The following PDE4D variants were observed in gnomAD, a reference collection of about 807,000 sequenced individuals.
PDE4D encodes the protein phosphodiesterase 4D.
PDE4D carries 24 observed loss-of-function variants against 87.4 expected under a neutral mutation model. The observed-to-expected ratio is 0.27, with a 90% CI of 0.20 to 0.39. PDE4D has a LOEUF of 0.39. PDE4D is among the 10% of genes least tolerant of loss of function. The pLI, the probability that PDE4D is intolerant of heterozygous loss-of-function variation, is 1.00. For missense variants in PDE4D, 714 were observed against 1,041.0 expected, an observed-to-expected ratio of 0.69 and a Z score of 4.32; for synonymous variants, 384 against 383.2, an observed-to-expected ratio of 1.00 and a Z score of -0.02.
intron 2 of PDE4D, among the ~76,000 whole-genome samples, chr5:59,205,239 C>A (rs932707759): frequency 6.6e-6 from 1 of 151,932 alleles, no homozygotes; most frequent in Admixed American, 6.6e-5. Context: ...TTGGAAAATT[C>A]TTTTATTCTG....
At chr5:60,347,739 C>T (rs1344587379) in intron 1 of PDE4D, among the ~76,000 whole-genome samples, 2 of 152,152 alleles carry the variant, frequency 1.3e-5, no homozygotes. Flanking sequence ...TTCAGCCCAC[C>T]TCTCATACCC....
At chr5:60,074,384 A>C (rs1490063477) in intron 2 of PDE4D, among the ~76,000 whole-genome samples, 3 of 151,774 alleles carry the variant, frequency 2.0e-5, no homozygotes, top group Admixed American at 2.0e-4. Flanking sequence ...ACTGTGGTTC[A>C]ATATGACTTT....
At chr5:60,072,528 T>G (rs966942806) in intron 2 of PDE4D, among the ~76,000 whole-genome samples, 1 of 152,076 alleles carries the variant, frequency 6.6e-6, no homozygotes, top group Non-Finnish European at 1.5e-5. Flanking sequence ...CATTTATCAT[T>G]TTTTTGCTTT....
chr5:60,085,301 G>A (rs1295518352), intron 2 of PDE4D, among the ~76,000 whole-genome samples: 1 of 152,040 alleles, frequency 6.6e-6, no homozygotes, highest in Non-Finnish European at 1.5e-5. Flanking sequence ...ATAGCCTTAG[G>A]GTGTTTAGCC....
At chr5:59,497,975 T>A (rs893324924) in intron 1 of PDE4D, among the ~76,000 whole-genome samples, 1 of 152,038 alleles carries the variant, frequency 6.6e-6, no homozygotes, top group Non-Finnish European at 1.5e-5. Flanking sequence ...ACAGCAGGCT[T>A]CTCAGCAGAA....
At chr5:59,676,315 G>C (rs1200700890) in intron 1 of PDE4D, among the ~76,000 whole-genome samples, 1 of 152,042 alleles carries the variant, frequency 6.6e-6, no homozygotes, top group Non-Finnish European at 1.5e-5. Context: ...CATTGACCTT[G>C]GTATGTCTAA....
intron 1 of PDE4D, among the ~76,000 whole-genome samples, chr5:59,279,075 A>G (rs1391551860): frequency 6.6e-6 from 1 of 152,168 alleles, no homozygotes; most frequent in Non-Finnish European, 1.5e-5. Context: ...TCTGCCTACT[A>G]TCAAATCTTC....
intron 1 of PDE4D, among the ~76,000 whole-genome samples, chr5:59,566,774 G>A (rs1156517951): frequency 6.6e-6 from 1 of 152,016 alleles, no homozygotes; most frequent in Non-Finnish European, 1.5e-5. Context: ...GTGGTACAAG[G>A]TTAAGGAAGC....
chr5:60,256,147 G>A (rs1353625400), intron 1 of PDE4D, among the ~76,000 whole-genome samples: 1 of 151,856 alleles, frequency 6.6e-6, no homozygotes, highest in African/African-American at 2.4e-5. Context: ...ATCAGATTTT[G>A]CTGTTGCTCC....
At chr5:59,916,954 ATTTTT>A (rs750105496) in intron 3 of PDE4D, among the ~76,000 whole-genome samples, 3 of 73,614 alleles carry the variant, frequency 4.1e-5, no homozygotes, top group African/African-American at 2.6e-4. Context: ...TGCCCGGCTA[ATTTTT>A]TTTTTTTTTT....
chr5:59,096,641 T>C (rs186963705), intron 5 of PDE4D, among the ~76,000 whole-genome samples: 15 of 152,248 alleles, frequency 9.9e-5, no homozygotes, highest in Admixed American at 4.6e-4. Flanking sequence ...GTCTGTCTCA[T>C]GTGGATAGAG....
chr5:59,939,031 C>T (rs1315085861), intron 3 of PDE4D, among the ~76,000 whole-genome samples: 1 of 152,106 alleles, frequency 6.6e-6, no homozygotes, highest in East Asian at 1.9e-4. Context: ...TATTTAATTG[C>T]CAGAGTGAAA....
At chr5:59,866,807 T>G (rs1038617267) in intron 1 of PDE4D, among the ~76,000 whole-genome samples, 1 of 152,166 alleles carries the variant, frequency 6.6e-6, no homozygotes, top group African/African-American at 2.4e-5. Flanking sequence ...AAGCTGAAGT[T>G]GTCACGATCT....
chr5:59,625,504 T>TA lies in PDE4D; in HGVS notation c.455+267663dup, dbSNP rs796517733. Among the ~76,000 whole-genome samples, 1,119 of 141,992 alleles carry TA rather than the reference T, an allele frequency of 7.9e-3. 15 individuals are homozygous for TA. Among genetic ancestry groups the TA allele is most frequent in the African/African-American group, 0.023 (885 of 38,664 alleles). 93.2% of individuals were successfully genotyped at this position (141,992 alleles called of 152,430 possible). A position where few individuals can be genotyped will look rare whatever the true frequency, so the allele number is the denominator to read the frequency against. On this transcript the variant is annotated intron_variant, in intron 1 of 14. Coordinates refer to ENST00000340635, the MANE Select transcript of PDE4D (RefSeq NM_001104631.2). The stretch of plus-strand genomic sequence containing the variant: ...TTTCTGACCTAAAGAGCTGCGACAT[T>TA]AAAAAAAAAAAAGGATATTGTTTTA...
intron 1 of PDE4D, among the ~76,000 whole-genome samples, chr5:59,368,034 C>G (rs1783359734): frequency 6.6e-6 from 1 of 152,230 alleles, no homozygotes; most frequent in African/African-American, 2.4e-5. Context: ...CCAAAAACTT[C>G]AAGTATCCTT....
intron 3 of PDE4D, among the ~76,000 whole-genome samples, chr5:59,980,989 C>G (rs917744258): frequency 6.6e-6 from 1 of 152,108 alleles, no homozygotes; most frequent in Non-Finnish European, 1.5e-5. Context: ...TGATGGCTCA[C>G]GCCTGTAGTC....
intron 6 of PDE4D, among the ~76,000 whole-genome samples, chr5:58,998,793 C>T (rs1326201134): frequency 6.6e-6 from 1 of 152,140 alleles, no homozygotes; most frequent in Non-Finnish European, 1.5e-5. Context: ...TCATTTAGGA[C>T]TGAATAAGGT....
chr5:59,506,695 A>G (rs1582904501), intron 1 of PDE4D, among the ~76,000 whole-genome samples: 1 of 152,242 alleles, frequency 6.6e-6, no homozygotes, highest in Non-Finnish European at 1.5e-5. Flanking sequence ...ATTAATGCAC[A>G]GAATCACTAG....
intron 1 of PDE4D, among the ~76,000 whole-genome samples, chr5:59,462,851 G>C (rs1800977545): frequency 1.3e-5 from 2 of 151,946 alleles, no homozygotes; most frequent in Non-Finnish European, 2.9e-5. Context: ...CAAAACAAAG[G>C]GAGCAGAATG....
Sources: allele counts gnomAD v4.1 joint callset (sites outside exome capture counted in the v4.1 genomes callset), GRCh38; gene constraint gnomAD v4.1.1; transcripts MANE v1.5; gene names NCBI Gene and HGNC (gene_info 2026-07-23, HGNC 2026-07-21).